The following RGS6 variants were observed in gnomAD, a reference collection of about 807,000 sequenced individuals.
RGS6 encodes the protein regulator of G-protein signaling 6.
A neutral mutation model predicts 78.5 loss-of-function variants in RGS6; 30 were observed. The ratio of observed to expected loss-of-function variants is 0.38; its 90% CI spans 0.29 to 0.52. RGS6 has a LOEUF of 0.52. Ranked by LOEUF, RGS6 falls within the 20% of genes least tolerant of loss-of-function variation. The pLI is 0.85. For missense variants in RGS6, 495 were observed against 609.7 expected (o/e 0.81, Z 1.98); for synonymous variants, 206 against 206.0 (o/e 1.00, Z 0.00).
chr14:72,297,270 C>G (rs2065026719), intron 2 of RGS6, among the ~76,000 whole-genome samples: 1 of 151,960 alleles, frequency 6.6e-6, no homozygotes, highest in African/African-American at 2.4e-5. Context: ...CTTTGCATTT[C>G]TGTATAAATT....
Position 72,378,081 on chromosome 14 carries a change from C to A in RGS6, c.184+25887C>A, listed in dbSNP as rs180715116. Among the ~76,000 whole-genome samples, 42 of 152,216 alleles carry A rather than the reference C, an allele frequency of 2.8e-4. No homozygotes were observed. In the East Asian group the frequency reaches 7.3e-3, roughly 27 times the overall value. On this transcript the variant is annotated intron_variant, in intron 3 of 17. Coordinates refer to ENST00000553525, the MANE Select transcript of RGS6 (RefSeq NM_001204424.2). ...AGGGACATTTGAAACTATACAAATA[C>A]ACAAAAAGTAACCTGCTCCTGAGTG...
intron 3 of RGS6, among the ~76,000 whole-genome samples, chr14:72,368,227 C>A (rs937578989): frequency 5.9e-5 from 9 of 152,106 alleles, no homozygotes; most frequent in African/African-American, 2.2e-4. Context: ...ATGGGGGGTG[C>A]AAACTCAGCC....
At chr14:71,879,135 A>G in the RGS6 span, among the ~76,000 whole-genome samples, 5 of 152,200 alleles carry the variant, frequency 3.3e-5, no homozygotes, top group Non-Finnish European at 2.9e-5. Flanking sequence ...TCAAAATTCT[A>G]AGCTGTAAGA....
intron 12 of RGS6, among the ~76,000 whole-genome samples, chr14:72,479,767 C>A (rs542967960): frequency 1.5e-4 from 23 of 152,150 alleles, no homozygotes; most frequent in Non-Finnish European, 1.5e-5. Flanking sequence ...GGTTCCTTTG[C>A]CCCAGAAAGG....
chr14:72,409,793 TGTGA>T (rs1435568892), intron 3 of RGS6, among the ~76,000 whole-genome samples: 1 of 152,108 alleles, frequency 6.6e-6, no homozygotes, highest in Non-Finnish European at 1.5e-5. Flanking sequence ...AGTTCCCACC[TGTGA>T]GTGAGAACAT....
At chr14:72,558,309 A>G (rs2097614159) in intron 17 of RGS6, among the ~76,000 whole-genome samples, 1 of 152,066 alleles carries the variant, frequency 6.6e-6, no homozygotes, top group Non-Finnish European at 1.5e-5. Context: ...ATTGAAAAAG[A>G]TCCTCCCTGA....
At chr14:71,925,271 C>A in the RGS6 span, among the ~76,000 whole-genome samples, 4 of 152,208 alleles carry the variant, frequency 2.6e-5, no homozygotes, top group African/African-American at 7.2e-5. Flanking sequence ...TGTTTTCTTG[C>A]GATTGAATTG....
intron 2 of RGS6, among the ~76,000 whole-genome samples, chr14:72,244,030 T>C (rs960220124): frequency 3.9e-5 from 6 of 152,200 alleles, no homozygotes; most frequent in African/African-American, 1.2e-4. Context: ...ACAGCAGTTA[T>C]ATTTAGCAAG....
At chr14:72,307,785 G>T (rs2067592806) in intron 2 of RGS6, among the ~76,000 whole-genome samples, 1 of 151,948 alleles carries the variant, frequency 6.6e-6, no homozygotes, top group Admixed American at 6.6e-5. Context: ...TTGGATTCTT[G>T]AAAATTCATA....
intron 3 of RGS6, among the ~76,000 whole-genome samples, chr14:72,441,225 C>A (rs779968791): frequency 6.6e-5 from 10 of 152,116 alleles, no homozygotes; most frequent in Non-Finnish European, 1.0e-4. Context: ...AAGAGGAAGG[C>A]AGACCCCTGC....
At chr14:72,522,577 C>CAACAACATAGCAATGTA (rs1355301199) in intron 15 of RGS6, among the ~76,000 whole-genome samples, 1 of 152,190 alleles carries the variant, frequency 6.6e-6, no homozygotes, top group African/African-American at 2.4e-5. Context: ...AGCTACAATG[C>CAACAACATAGCAATGTA]AACAACATAG....
At chr14:72,449,257 A>T (rs2095437253) in intron 3 of RGS6, among the ~76,000 whole-genome samples, 1 of 152,212 alleles carries the variant, frequency 6.6e-6, no homozygotes, top group Non-Finnish European at 1.5e-5. Context: ...GTCAAGATTG[A>T]TAATTAGTTT....
intron 14 of RGS6, among the ~76,000 whole-genome samples, 163 bp downstream of exon 14, chr14:72,510,442 G>A (rs2096864716): frequency 1.3e-5 from 2 of 152,208 alleles, no homozygotes; most frequent in Non-Finnish European, 1.5e-5. Context: ...ATTAAAATAT[G>A]TAACTCTGTC....
intron 3 of RGS6, among the ~76,000 whole-genome samples, chr14:72,375,180 G>A (rs151094354): frequency 1.3e-5 from 2 of 152,238 alleles, no homozygotes; most frequent in Non-Finnish European, 2.9e-5. Flanking sequence ...AAAATGGGAA[G>A]AGCAATTCTT....
intron 2 of RGS6, among the ~76,000 whole-genome samples, chr14:72,066,973 C>G (rs2094182028): frequency 6.6e-6 from 1 of 152,066 alleles, no homozygotes; most frequent in South Asian, 2.1e-4. Flanking sequence ...CATCCATGTC[C>G]CTGCAAAGGA....
intron 3 of RGS6, among the ~76,000 whole-genome samples, chr14:72,407,901 C>T (rs969500259): frequency 1.3e-5 from 2 of 152,200 alleles, no homozygotes; most frequent in African/African-American, 4.8e-5. Flanking sequence ...GTAGACCAAA[C>T]TATGAGAAGG....
At chr14:71,871,892 T>C in the RGS6 span, among the ~76,000 whole-genome samples, 1 of 151,876 alleles carries the variant, frequency 6.6e-6, no homozygotes, top group East Asian at 1.9e-4. Context: ...GCATCTGTAC[T>C]GTGTCCTGTC....
intron 15 of RGS6, among the ~76,000 whole-genome samples, chr14:72,533,575 T>C (rs1243925680): frequency 6.6e-6 from 1 of 152,238 alleles, no homozygotes; most frequent in African/African-American, 2.4e-5. Context: ...AAAACCCTTC[T>C]AGAAAGGAGT....
chr14:72,203,935 C>A (rs7145357), intron 2 of RGS6, among the ~76,000 whole-genome samples: 11 of 151,078 alleles, frequency 7.3e-5, no homozygotes, highest in African/African-American at 2.7e-4. Context: ...AGAGATTCTT[C>A]TGCCTCAGCC....
Sources: allele counts gnomAD v4.1 joint callset (sites outside exome capture counted in the v4.1 genomes callset), GRCh38; gene constraint gnomAD v4.1.1; transcripts MANE v1.5; gene names NCBI Gene and HGNC (gene_info 2026-07-23, HGNC 2026-07-21).